The following DDAH1 variants were observed in gnomAD, a reference collection of about 807,000 sequenced individuals.
DDAH1 encodes the protein dimethylarginine dimethylaminohydrolase 1.
A neutral mutation model predicts 28.8 loss-of-function variants in DDAH1; 19 were observed. The observed-to-expected ratio is 0.66, with a 90% CI of 0.46 to 0.97. The LOEUF (loss-of-function observed/expected upper bound fraction) is 0.97. DDAH1 is among the 50% of genes least tolerant of loss of function. The pLI is 0.00. For synonymous variants in DDAH1, 153 were observed against 154.4 expected, an observed-to-expected ratio of 0.99 and a Z score of 0.07; for missense variants, 326 against 375.9, an observed-to-expected ratio of 0.87 and a Z score of 1.10.
chr1:85,531,428 A>G (rs1269981429), intron 1 of DDAH1, among the ~76,000 whole-genome samples: 2 of 152,236 alleles, frequency 1.3e-5, no homozygotes, highest in Non-Finnish European at 2.9e-5. Context: ...CATATTTCAC[A>G]CTGCTATCAG....
In DDAH1 at chr1:85,321,362, G is replaced by A; in HGVS notation, c.*90C>T. The A allele has an allele frequency of 4.8e-6, 4 of 833,560 alleles. No homozygotes were observed. Among genetic ancestry groups the A allele is most frequent in the Non-Finnish European group, 4.1e-6 (2 of 489,838 alleles). 51.6% of individuals were successfully genotyped at this position (833,560 alleles called of 1,614,324 possible). A position where few individuals can be genotyped will look rare whatever the true frequency, so the allele number is the denominator to read the frequency against. ...CAAGAGTTAGTAGCACAGTGGCACA[G>A]TAGATTGTCAAGGAAAACAACAGGA... On this transcript the variant is annotated 3_prime_UTR_variant, in exon 6 of 6. Transcript: ENST00000284031.
chr1:85,493,501 G>A (rs1452368937), intron 2 of DDAH1: 1 of 152,174 alleles, frequency 6.6e-6, no homozygotes, highest in African/African-American at 2.4e-5. Flanking sequence ...GTAGAAGGCT[G>A]TCAAAGTGGC....
At chr1:85,502,510 G>C (rs1429813861) in intron 1 of DDAH1, among the ~76,000 whole-genome samples, 2 of 152,104 alleles carry the variant, frequency 1.3e-5, no homozygotes, top group Admixed American at 6.5e-5. Flanking sequence ...CACTTTTGAG[G>C]ACCTCCTTGC....
intron 1 of DDAH1, among the ~76,000 whole-genome samples, chr1:85,391,990 A>AT (rs746920370): frequency 3.3e-5 from 5 of 151,694 alleles, no homozygotes; most frequent in Admixed American, 6.6e-5. Flanking sequence ...TTATCTATTT[A>AT]TTTTTTTTAA....
chr1:85,428,232 G>A (rs1184876399), intron 1 of DDAH1, among the ~76,000 whole-genome samples: 1 of 152,168 alleles, frequency 6.6e-6, no homozygotes, highest in Non-Finnish European at 1.5e-5. Flanking sequence ...CTCTCACGCT[G>A]CTAATAAAGA....
At chr1:85,554,132 T>C (rs1658888527) in intron 1 of DDAH1, among the ~76,000 whole-genome samples, 1 of 152,214 alleles carries the variant, frequency 6.6e-6, no homozygotes, top group South Asian at 2.1e-4. Context: ...ATTCCTCTTT[T>C]CTGAGTTCAC....
intron 1 of DDAH1, among the ~76,000 whole-genome samples, chr1:85,544,750 A>G (rs930101150): frequency 1.3e-5 from 2 of 152,166 alleles, no homozygotes; most frequent in African/African-American, 2.4e-5. Flanking sequence ...ACCTGGGCAC[A>G]GTAGCTGACT....
At chr1:85,511,026 C>T (rs192345428) in intron 1 of DDAH1, among the ~76,000 whole-genome samples, 83 of 152,352 alleles carry the variant, frequency 5.4e-4, no homozygotes, top group African/African-American at 1.9e-3. Flanking sequence ...GAACTCTCCA[C>T]CCCAAATCAA....
intron 1 of DDAH1, among the ~76,000 whole-genome samples, chr1:85,514,231 G>A (rs1232362042): frequency 6.6e-6 from 1 of 152,166 alleles, no homozygotes; most frequent in Non-Finnish European, 1.5e-5. Context: ...CATGTCCTTT[G>A]CAGGGACACG....
At chr1:85,429,291 T>C (rs1352961554) in intron 1 of DDAH1, among the ~76,000 whole-genome samples, 4 of 152,126 alleles carry the variant, frequency 2.6e-5, no homozygotes, top group African/African-American at 9.7e-5. Context: ...CTGTGTTAGT[T>C]TGCTGAGAAT....
rs58835610 is a variant in DDAH1 at position 85,571,787 on chromosome 1, C to CTTTTTTTTT, written c.-123+6188_-123+6196dup. On this transcript the variant is annotated intron_variant, in intron 1 of 6. Coordinates refer to the DDAH1 transcript ENST00000426972. Reference sequence around the variant, plus strand: ...CCTTTTAGAATGAACTGTTTATAAGCTTTTTTTTTTTTTTTTTTTTTTTTT... The same window carrying CTTTTTTTTT: ...CCTTTTAGAATGAACTGTTTATAAGCTTTTTTTTTTTTTTTTTTTTTTTTTTTTTTTTTT... Among the ~76,000 whole-genome samples the CTTTTTTTTT allele has an allele frequency of 2.8e-3, 236 of 85,424 alleles. 3 individuals carry two copies. Among genetic ancestry groups the CTTTTTTTTT allele is most frequent in the African/African-American group, 5.0e-3 (104 of 21,004 alleles). 56.0% of individuals were successfully genotyped at this position (85,424 alleles called of 152,430 possible).
At chr1:85,552,501 A>T (rs74723550) in intron 1 of DDAH1, among the ~76,000 whole-genome samples, 1 of 152,138 alleles carries the variant, frequency 6.6e-6, no homozygotes, top group Non-Finnish European at 1.5e-5. Flanking sequence ...TACTTGTCCA[A>T]CGAAGTCTAG....
chr1:85,341,859 T>C (rs535770171), intron 4 of DDAH1, among the ~76,000 whole-genome samples: 67 of 151,896 alleles, frequency 4.4e-4, no homozygotes, highest in Admixed American at 1.4e-3. Context: ...AAACCCCAGA[T>C]GTTCCATCAC....
intron 1 of DDAH1, among the ~76,000 whole-genome samples, chr1:85,372,013 T>G (rs1650409487): frequency 6.6e-6 from 1 of 152,144 alleles, no homozygotes; most frequent in African/African-American, 2.4e-5. Context: ...TTGCTGCTTT[T>G]TTTTTCCTTC....
At chr1:85,499,693 T>C (rs1656726781) in intron 1 of DDAH1, among the ~76,000 whole-genome samples, 1 of 151,720 alleles carries the variant, frequency 6.6e-6, no homozygotes, top group Non-Finnish European at 1.5e-5. Flanking sequence ...ACTTCTTGAA[T>C]TGTTACCATT....
At chr1:85,389,286 T>C (rs1284321351) in intron 1 of DDAH1, among the ~76,000 whole-genome samples, 1 of 152,152 alleles carries the variant, frequency 6.6e-6, no homozygotes, top group African/African-American at 2.4e-5. Context: ...AAAATAAAAG[T>C]TGTTTTTATC....
At chr1:85,573,106 G>A (rs757388473) in intron 1 of DDAH1, among the ~76,000 whole-genome samples, 10 of 152,202 alleles carry the variant, frequency 6.6e-5, no homozygotes, top group Non-Finnish European at 1.5e-4. Flanking sequence ...TATGTGCCAG[G>A]CATCAGGCTG....
intron 1 of DDAH1, among the ~76,000 whole-genome samples, chr1:85,418,326 T>C (rs552796929): frequency 6.6e-6 from 1 of 152,370 alleles, no homozygotes; most frequent in Admixed American, 6.5e-5. Flanking sequence ...TAATTTGTTT[T>C]TTGTCCCACT....
intron 1 of DDAH1, among the ~76,000 whole-genome samples, chr1:85,380,910 C>T (rs1004530343): frequency 2.0e-5 from 3 of 152,118 alleles, no homozygotes; most frequent in Admixed American, 2.0e-4. Context: ...ACATCTGGCA[C>T]TCTGGGTTTC....
Sources: gnomAD v4.1 joint callset for allele counts (sites outside exome capture counted in the v4.1 genomes callset) on GRCh38, gnomAD v4.1.1 for gene constraint, MANE v1.5 for transcripts, NCBI Gene and HGNC (gene_info 2026-07-23, HGNC 2026-07-21) for gene names.